Variants in XYLT2 observed in about 807,000 individuals in gnomAD.
XYLT2 encodes UDP-D-xylose:proteoglycan core protein beta-D-xylosyltransferase.
Under a neutral mutation model 82.6 loss-of-function variants are expected in XYLT2, and 37 were observed. The ratio of observed to expected loss-of-function variants is 0.45; its 90% CI spans 0.34 to 0.59. The LOEUF (loss-of-function observed/expected upper bound fraction) is 0.59, where lower values mean the gene tolerates loss of function less well. Among genes scored for constraint, XYLT2 ranks in the 20% least tolerant of loss-of-function variants. The pLI is 0.01. For synonymous variants in XYLT2, 474 were observed against 499.0 expected (o/e 0.95, Z 0.67); for missense variants, 934 against 1,181.3 (o/e 0.79, Z 3.07).
intron 4 of XYLT2, among the ~76,000 whole-genome samples, 175 bp downstream of exon 4, chr17:50,355,231 A>T (rs948264765): frequency 6.6e-6 from 1 of 152,104 alleles, no homozygotes; most frequent in African/African-American, 2.4e-5. Flanking sequence ...TTGGTGTAAG[A>T]TGATCTAAGA....
chr17:50,348,741 G>A (rs2143186953), intron 1 of XYLT2, among the ~76,000 whole-genome samples: 1 of 152,334 alleles, frequency 6.6e-6, no homozygotes, highest in Admixed American at 6.5e-5. Context: ...ATTCTAAGGT[G>A]GAGCTACAGA....
rs146573350 is a variant in XYLT2 at position 50,358,476 on chromosome 17, G to A, written c.2211G>A (p.Pro737=). The A allele has an allele frequency of 3.0e-5, 49 of 1,614,178 alleles. No individual in the cohort carries two copies. In the African/African-American group the frequency reaches 3.9e-4, roughly 13 times the overall value. Residue 737 remains proline, a synonymous_variant, in exon 10 of 11, where the codon CCG becomes CCA. Transcript: ENST00000017003. ...WTVRLLQFWE[P]LGETRFLVLP... ...TTCGACTCCTTCAGTTCTGGGAACC[G>A]CTGGGTGAGACCCGCTTCCTTGTGC...
At chr17:50,352,571 A>G (rs12452456) in intron 1 of XYLT2, among the ~76,000 whole-genome samples, 70,163 of 152,108 alleles carry the variant, frequency 0.46, 16,828 homozygotes, top group Admixed American at 0.56. Context: ...AGGCAGGGCA[A>G]GTAGGATGGG....
intron 1 of XYLT2, among the ~76,000 whole-genome samples, chr17:50,349,399 G>A (rs1044758142): frequency 6.6e-5 from 10 of 152,114 alleles, no homozygotes; most frequent in African/African-American, 2.4e-4. Context: ...TCCTCTTGCA[G>A]GTATCTCTTC....
At chr17:50,358,781 T>G (rs1398330887) in intron 10 of XYLT2, among the ~76,000 whole-genome samples, 1 of 152,246 alleles carries the variant, frequency 6.6e-6, no homozygotes, top group Non-Finnish European at 1.5e-5. Flanking sequence ...ACAAGTTCAT[T>G]GGCTTTTTGT....
rs1912793013 is a variant in XYLT2 at position 50,361,141 on chromosome 17, C to CT, written c.*851dup. ...AATATGCAACAGAAGAAATATATCT[C>CT]TATCTCTCTACTCTGGGCTCTGTGT... On this transcript the variant is annotated 3_prime_UTR_variant, in exon 11 of 11. Coordinates refer to ENST00000017003, the MANE Select transcript of XYLT2 (RefSeq NM_022167.4). 1.0e-6 allele frequency: 1 copy of CT among 985,766 alleles called. No homozygotes were observed. The highest frequency in any genetic ancestry group is 6.1e-5 in the Admixed American group (1 of 16,270). 61.1% of individuals were successfully genotyped at this position (985,766 alleles called of 1,614,324 possible).
intron 5 of XYLT2, 76 bp downstream of exon 5, chr17:50,355,657 C>T: frequency 1.3e-6 from 2 of 1,598,682 alleles, no homozygotes; most frequent in Non-Finnish European, 1.7e-6. Context: ...CTCGGTGGCT[C>T]CAGCCCTGGG....
In XYLT2 at chr17:50,356,595, T is replaced by C; in HGVS notation, c.1567T>C (p.Tyr523His). The change falls in exon 8 of 11, where the codon TAT becomes CAT. Residue 523 changes from tyrosine to histidine, a missense_variant. Coordinates refer to ENST00000017003, the MANE Select transcript of XYLT2 (RefSeq NM_022167.4). ...EVLEILDFHL[Y>H]GSYPPGTPAL... is the part of the protein sequence containing the mutation. ...GCTGGAAATCCTGGACTTCCACCTG[T>C]ATGGCAGCTACCCCCCCGGCACGCC... is the stretch of plus-strand genomic sequence containing the variant. The C allele has an allele frequency of 6.2e-7, 1 of 1,614,112 alleles. No homozygotes were observed. Among genetic ancestry groups the C allele is most frequent in the Non-Finnish European group, 8.5e-7 (1 of 1,179,990 alleles).
In XYLT2 at chr17:50,355,507, TGAG is replaced by T. The variant is rs1204285117; in HGVS notation, c.1018_1020del (p.Glu340del). On this transcript the variant is annotated inframe_deletion, in exon 5 of 11. Coordinates refer to ENST00000017003, the MANE Select transcript of XYLT2 (RefSeq NM_022167.4). ...CACCCCATTCCTTCACCAGGACCAA[TGAG>T]GAGCTGGTGGCATTCCTATCCAAGA... The T allele has an allele frequency of 6.2e-7, 1 of 1,613,964 alleles. No individual in the cohort carries two copies. The highest frequency in any genetic ancestry group is 8.5e-7 in the Non-Finnish European group (1 of 1,179,986).
chr17:50,354,470 C>T lies in XYLT2; in HGVS notation c.691C>T (p.Pro231Ser). The change falls in exon 3 of 11, where the codon CCG becomes TCG. Residue 231 changes from proline (P) to serine (S), a missense_variant. Coordinates refer to ENST00000017003, the MANE Select transcript of XYLT2 (RefSeq NM_022167.4). ...SQAQQPMDGPPVRIAYMLVVH... is the reference protein window; with the variant it reads ...SQAQQPMDGPSVRIAYMLVVH... Reference sequence around the variant, plus strand: ...AGCCCAGCAGCCCATGGATGGCCCCCCGGTGCGAATCGCCTACATGCTGGT... The same window carrying T: ...AGCCCAGCAGCCCATGGATGGCCCCTCGGTGCGAATCGCCTACATGCTGGT... The T allele has an allele frequency of 6.2e-7, 1 of 1,612,618 alleles. No homozygotes were observed.
intron 4 of XYLT2, among the ~76,000 whole-genome samples, 197 bp downstream of exon 4, chr17:50,355,253 T>C (rs1485917275): frequency 1.3e-5 from 2 of 152,016 alleles, no homozygotes; most frequent in African/African-American, 4.8e-5. Context: ...TTGAGCATGA[T>C]AGGAGATGGG....
chr17:50,357,595 T>C (rs2143234732), intron 9 of XYLT2: 1 of 191,924 alleles, frequency 5.2e-6, no homozygotes, highest in Non-Finnish European at 1.1e-5. Flanking sequence ...TCATAGTCTT[T>C]TTTTTTTTTT....
intron 9 of XYLT2, 138 bp from the exon 10 acceptor site, chr17:50,358,069 C>T (rs112181523): frequency 3.2e-5 from 24 of 745,176 alleles, no homozygotes; most frequent in Non-Finnish European, 4.8e-5. Flanking sequence ...TAGTCTGACC[C>T]CTTCATTTTG....
rs1912483357 is a variant in XYLT2, at chr17:50,355,555, C to G, written c.1062C>G (p.Leu354=). 1 of 1,614,022 alleles carries G rather than the reference C, an allele frequency of 6.2e-7. No homozygotes were observed. The highest frequency in any genetic ancestry group is 1.3e-5 in the African/African-American group (1 of 74,910). ...CCAAGAACCGGGACAAGAATTTCCT[C>G]AAGTCACATGGCCGGGACAACTCCA... The part of the protein sequence containing the change: ...FLSKNRDKNF[L]KSHGRDNSRF... Residue 354 remains leucine, a synonymous_variant, in exon 5 of 11, where the codon CTC becomes CTG. Transcript: ENST00000017003.
rs1025207564 is a variant in XYLT2 at position 50,346,277 on chromosome 17, T to G, written c.135+2T>G. Reference sequence around the variant, plus strand: ...CTGGAGGAGGACGAGGCGGGCGAGGTGCTCCGACGGCCGGGCGGGCGGGCA... The same window carrying G: ...CTGGAGGAGGACGAGGCGGGCGAGGGGCTCCGACGGCCGGGCGGGCGGGCA... On this transcript the variant is annotated splice_donor_variant, in intron 1 of 10. Transcript: ENST00000017003. LOFTEE classifies it high-confidence loss of function. The surrounding 1 kb of genome is among the most constrained non-coding windows in gnomAD (Gnocchi z 5.1). The G allele has an allele frequency of 8.9e-7, 1 of 1,117,702 alleles. No homozygotes were observed. The allele number at this position is 1,117,702 out of a possible 1,614,324, so 69.2% of individuals were successfully genotyped here.
In XYLT2 at chr17:50,361,072, A is replaced by G; in HGVS notation, c.*781A>G. On this transcript the variant is annotated 3_prime_UTR_variant, in exon 11 of 11. Coordinates refer to ENST00000017003, the MANE Select transcript of XYLT2 (RefSeq NM_022167.4). ...AAGAAGACTCTGTCAAGACTCTCAG[A>G]AGAACCTGGAGTAATTGTGCCTGAA... is the stretch of plus-strand genomic sequence containing the variant. 1 of 985,934 alleles carries G rather than the reference A, an allele frequency of 1.0e-6. No individual in the cohort carries two copies. Among genetic ancestry groups the G allele is most frequent in the Non-Finnish European group, 1.2e-6 (1 of 829,936 alleles). 61.1% of individuals were successfully genotyped at this position (985,934 alleles called of 1,614,324 possible).
At chr17:50,359,904 C>G (rs899748629) in intron 10 of XYLT2, 65 bp from the exon 11 acceptor site, 2 of 1,415,960 alleles carry the variant, frequency 1.4e-6, no homozygotes, top group African/African-American at 2.8e-5. Context: ...AGACCCAACT[C>G]CTGGGTCTGG....
Position 50,358,377 on chromosome 17 carries a change from A to G in XYLT2, c.2112A>G (p.Thr704=), listed in dbSNP as rs757311890. The G allele has an allele frequency of 5.9e-5, 96 of 1,613,986 alleles. 1 individual carries two copies. The South Asian group carries it at 1.0e-3, about 17-fold the overall frequency. The change falls in exon 10 of 11, where the codon ACA becomes ACG. Residue 704 remains threonine (T), a synonymous_variant. Transcript: ENST00000017003. ...TYVVATSYDI[T]VDTETEVTQY... is the part of the protein sequence containing the mutation. ...TGGTGGCCACATCTTATGACATCACAGTAGATACGGAGACTGAGGTCACGC... is the reference window on the plus strand; with the variant it reads ...TGGTGGCCACATCTTATGACATCACGGTAGATACGGAGACTGAGGTCACGC...
At position 50,360,483 on chromosome 17, in the gene XYLT2, G is replaced by A; in HGVS notation, c.*192G>A. On this transcript the variant is annotated 3_prime_UTR_variant, in exon 11 of 11. Coordinates refer to ENST00000017003, the MANE Select transcript of XYLT2 (RefSeq NM_022167.4). ...GCTGATGTCTCTGTTGGGGATCAGA[G>A]GGCTGGCGGGAACGCGAGAAGGGCA... The A allele has an allele frequency of 7.6e-7, 1 of 1,310,324 alleles. No individual in the cohort carries two copies. The allele number at this position is 1,310,324 out of a possible 1,614,324, so 81.2% of individuals were successfully genotyped here.
Sources: allele counts gnomAD v4.1 joint callset (sites outside exome capture counted in the v4.1 genomes callset), GRCh38; gene constraint gnomAD v4.1.1; non-coding constraint Gnocchi (gnomAD v3.1); transcripts MANE v1.5; gene names NCBI Gene and HGNC (gene_info 2026-07-23, HGNC 2026-07-21).